PTPRT: variants seen among roughly 807,000 people sequenced by gnomAD.
PTPRT encodes protein tyrosine phosphatase receptor type T.
PTPRT carries 56 observed loss-of-function variants against 176.8 expected under a neutral mutation model. That is an observed-to-expected ratio of 0.32 (90% CI 0.26 to 0.40). The LOEUF (loss-of-function observed/expected upper bound fraction) is 0.40, where lower values mean the gene tolerates loss of function less well. Among genes scored for constraint, PTPRT ranks in the 10% least tolerant of loss-of-function variants. The probability of loss-of-function intolerance (pLI) is 1.00; values close to 1 mark genes in which losing one functional copy is unlikely to be tolerated. For missense variants in PTPRT, 1,540 were observed against 1,908.2 expected, an observed-to-expected ratio of 0.81 and a Z score of 3.60; for synonymous variants, 783 against 739.0, an observed-to-expected ratio of 1.06 and a Z score of -0.96.
intron 12 of PTPRT, among the ~76,000 whole-genome samples, chr20:42,293,719 T>C (rs1013727151): frequency 1.5e-4 from 23 of 152,182 alleles, no homozygotes; most frequent in Non-Finnish European, 2.9e-5. Flanking sequence ...TCTAAAAGAA[T>C]TGTTTTCTCT....
intron 1 of PTPRT, among the ~76,000 whole-genome samples, chr20:43,051,618 G>A (rs1987043101): frequency 1.3e-5 from 1 of 79,638 alleles, no homozygotes; most frequent in Non-Finnish European, 2.0e-5. Flanking sequence ...GCCACACTCT[G>A]TAACTGTAAA....
intron 13 of PTPRT, among the ~76,000 whole-genome samples, chr20:42,262,628 C>A (rs1233773400): frequency 6.6e-6 from 1 of 152,130 alleles, no homozygotes; most frequent in Non-Finnish European, 1.5e-5. Flanking sequence ...AGGCTGGAGG[C>A]AGAAGTGGGG....
chr20:42,570,320 T>A (rs2073133074), intron 7 of PTPRT, among the ~76,000 whole-genome samples: 3 of 152,166 alleles, frequency 2.0e-5, no homozygotes, highest in Admixed American at 2.0e-4. Flanking sequence ...CATAAGGATA[T>A]TCCTCACTTT....
At chr20:42,882,480 C>T (rs1180788300) in intron 2 of PTPRT, among the ~76,000 whole-genome samples, 2 of 152,174 alleles carry the variant, frequency 1.3e-5, no homozygotes. Flanking sequence ...CACACTTTTA[C>T]TCAGCTTCTT....
intron 2 of PTPRT, among the ~76,000 whole-genome samples, chr20:42,818,957 A>C (rs2077841206): frequency 6.6e-6 from 1 of 152,210 alleles, no homozygotes; most frequent in South Asian, 2.1e-4. Context: ...GGGAGAGTGG[A>C]AACAAGCTGG....
At chr20:42,436,052 A>T (rs1418428813) in intron 9 of PTPRT, among the ~76,000 whole-genome samples, 1 of 152,216 alleles carries the variant, frequency 6.6e-6, no homozygotes, top group African/African-American at 2.4e-5. Flanking sequence ...CAATGTAATA[A>T]AAAAATAAAA....
chr20:42,306,429 C>T (rs75563848), intron 12 of PTPRT, among the ~76,000 whole-genome samples: 6,748 of 152,210 alleles, frequency 0.044, 225 homozygotes, highest in Middle Eastern at 0.088. Context: ...GGCATGGAAC[C>T]TAGGCTCTGG....
chr20:42,316,074 C>T (rs2145377043), intron 11 of PTPRT, 78 bp from the exon 12 acceptor site: 3 of 1,486,158 alleles, frequency 2.0e-6, no homozygotes, highest in Non-Finnish European at 2.8e-6. Context: ...TGGTGTCAAC[C>T]CAACTTCTCC....
intron 1 of PTPRT, among the ~76,000 whole-genome samples, chr20:43,058,811 A>T (rs932421918): frequency 1.3e-5 from 2 of 148,924 alleles, no homozygotes; most frequent in Non-Finnish European, 3.0e-5. Context: ...GACTAAGAAA[A>T]CCTTATTTTT....
At chr20:42,838,101 A>G (rs1387024549) in intron 2 of PTPRT, among the ~76,000 whole-genome samples, 1 of 152,134 alleles carries the variant, frequency 6.6e-6, no homozygotes, top group East Asian at 1.9e-4. Flanking sequence ...ATCTTGGCTC[A>G]CTGCAACTTC....
intron 2 of PTPRT, among the ~76,000 whole-genome samples, chr20:42,884,277 G>A (rs1327404300): frequency 6.6e-6 from 1 of 152,140 alleles, no homozygotes; most frequent in Non-Finnish European, 1.5e-5. Context: ...TTGTACCACA[G>A]CCTAACTTTA....
At chr20:42,561,262 A>T (rs2072947112) in intron 7 of PTPRT, among the ~76,000 whole-genome samples, 1 of 152,224 alleles carries the variant, frequency 6.6e-6, no homozygotes, top group Non-Finnish European at 1.5e-5. Context: ...ACTCAAGAGG[A>T]AAGCACAAAC....
intron 7 of PTPRT, among the ~76,000 whole-genome samples, chr20:42,514,176 T>C (rs1384692307): frequency 6.6e-6 from 1 of 152,210 alleles, no homozygotes; most frequent in Non-Finnish European, 1.5e-5. Context: ...ATACGATATA[T>C]TCATCTTTTG....
At chr20:42,726,910 T>C (rs1211161158) in intron 6 of PTPRT, among the ~76,000 whole-genome samples, 1 of 152,196 alleles carries the variant, frequency 6.6e-6, no homozygotes, top group Non-Finnish European at 1.5e-5. Flanking sequence ...CAGTACCTCA[T>C]TCATCCTGCT....
chr20:42,072,945 C>G lies in PTPRT; in HGVS notation c.*7934G>C, dbSNP rs185787529. On this transcript the variant is annotated 3_prime_UTR_variant, in exon 31 of 31. Coordinates refer to ENST00000373187, the MANE Select transcript of PTPRT (RefSeq NM_007050.6). ...TATTCATTGACCTGACATTATTTACCTTCTGCTTTTCTGAGCTAGAATTGA... is the reference window on the plus strand; with the variant it reads ...TATTCATTGACCTGACATTATTTACGTTCTGCTTTTCTGAGCTAGAATTGA... 2 of 223,426 alleles carry G rather than the reference C, an allele frequency of 9.0e-6. No homozygotes were observed. The highest frequency in any genetic ancestry group is 1.8e-5 in the Non-Finnish European group (2 of 111,852). The allele number at this position is 223,426 out of a possible 1,614,324, so 13.8% of individuals were successfully genotyped here.
chr20:42,875,317 T>A lies in PTPRT; in HGVS notation c.214+10490A>T, dbSNP rs17749712. On this transcript the variant is annotated intron_variant, in intron 2 of 30. Coordinates refer to ENST00000373187, the MANE Select transcript of PTPRT (RefSeq NM_007050.6). ...CAACACTCGTCATTACTTGCTCATA[T>A]CCTCCGGAATAATTACTAAACCTGC... Among the ~76,000 whole-genome samples the A allele has an allele frequency of 2.7e-3, 408 of 152,322 alleles. 1 individual carries two copies. Among genetic ancestry groups the A allele is most frequent in the Non-Finnish European group, 4.6e-3 (313 of 68,044 alleles).
At chr20:42,342,694 T>A (rs1412882792) in intron 11 of PTPRT, among the ~76,000 whole-genome samples, 1 of 152,242 alleles carries the variant, frequency 6.6e-6, no homozygotes, top group Non-Finnish European at 1.5e-5. Context: ...CAGACGGTAA[T>A]GATTCCAATT....
intron 15 of PTPRT, among the ~76,000 whole-genome samples, chr20:42,204,805 A>AAT (rs1316187153): frequency 2.6e-5 from 4 of 151,980 alleles, no homozygotes; most frequent in African/African-American, 7.2e-5. Flanking sequence ...AAGGGCTGTT[A>AAT]AAAGTGTGGA....
At position 42,148,201 on chromosome 20, in the gene PTPRT, C is replaced by T. The variant is rs116762853; in HGVS notation, c.2683-6199G>A. On this transcript the variant is annotated intron_variant, in intron 17 of 30. Transcript: ENST00000373187. The stretch of plus-strand genomic sequence containing the variant: ...GAGTGCTGGGCCCTATTTTTACATT[C>T]CTCTCTGAGTGTGGAAATGTTTCCT... Among the ~76,000 whole-genome samples, 1,244 of 151,310 alleles carry T rather than the reference C, an allele frequency of 8.2e-3. 15 individuals are homozygous for T. The highest frequency in any genetic ancestry group is 0.028 in the African/African-American group (1,153 of 41,110).
Sources: gnomAD v4.1 joint callset for allele counts (sites outside exome capture counted in the v4.1 genomes callset) on GRCh38, gnomAD v4.1.1 for gene constraint, MANE v1.5 for transcripts, NCBI Gene and HGNC (gene_info 2026-07-23, HGNC 2026-07-21) for gene names.